OPRL1: variants seen among roughly 807,000 people sequenced by gnomAD.
OPRL1 encodes the protein opioid related nociceptin receptor 1.
Under a neutral mutation model 15.5 loss-of-function variants are expected in OPRL1, and 5 were observed. The observed-to-expected ratio is 0.32, with a 90% CI of 0.17 to 0.68. The LOEUF is 0.68. Among genes scored for constraint, OPRL1 ranks in the 30% least tolerant of loss-of-function variants. The probability of loss-of-function intolerance (pLI) is 0.72; values close to 1 mark genes in which losing one functional copy is unlikely to be tolerated. For synonymous variants in OPRL1, 223 were observed against 230.2 expected, an observed-to-expected ratio of 0.97 and a Z score of 0.28; for missense variants, 406 against 515.3, an observed-to-expected ratio of 0.79 and a Z score of 2.05.
chr20:64,090,305 G>A lies in OPRL1; in HGVS notation c.-184-1661G>A, dbSNP rs907996024. Reference sequence around the variant, plus strand: ...TTGAGTGTCTCTGTTGACGTGCCCCGTGCCTTCACACGTGTCCCTGAGTCT... The same window carrying A: ...TTGAGTGTCTCTGTTGACGTGCCCCATGCCTTCACACGTGTCCCTGAGTCT... On this transcript the variant is annotated intron_variant, in intron 1 of 4. Coordinates refer to ENST00000336866, the MANE Select transcript of OPRL1 (RefSeq NM_182647.4). The surrounding 1 kb of genome is among the most constrained non-coding windows in gnomAD (Gnocchi z 4.9). 2.0e-5 allele frequency among the ~76,000 whole-genome samples: 3 copies of A among 152,306 alleles called. No homozygotes were observed. Among genetic ancestry groups the A allele is most frequent in the Middle Eastern group, 3.4e-3 (1 of 294 alleles).
At chr20:64,095,737 G>A (rs1043089192) in intron 3 of OPRL1, among the ~76,000 whole-genome samples, 3 of 151,926 alleles carry the variant, frequency 2.0e-5, no homozygotes, top group African/African-American at 4.8e-5. Flanking sequence ...TAAAGCAAGT[G>A]TTCCCTCCTT....
In OPRL1 at chr20:64,090,287, T is replaced by C. The variant is rs2145593323; in HGVS notation, c.-184-1679T>C. Among the ~76,000 whole-genome samples, 1 of 152,342 alleles carries C rather than the reference T, an allele frequency of 6.6e-6. No homozygotes were observed. The highest frequency in any genetic ancestry group is 1.5e-5 in the Non-Finnish European group (1 of 68,030). ...TGTGTCCCCATGTGTCCCTTGAGTG[T>C]CTCTGTTGACGTGCCCCGTGCCTTC... is the stretch of plus-strand genomic sequence containing the variant. On this transcript the variant is annotated intron_variant, in intron 1 of 4. Transcript: ENST00000336866. The surrounding 1 kb of genome is among the most constrained non-coding windows in gnomAD (Gnocchi z 4.9).
At chr20:64,096,648 T>TA (rs752452520) in intron 3 of OPRL1, among the ~76,000 whole-genome samples, 19 of 152,036 alleles carry the variant, frequency 1.2e-4, no homozygotes, top group Non-Finnish European at 2.8e-4. Flanking sequence ...TGACACAGAA[T>TA]AGTGTCATCT....
Position 64,098,022 on chromosome 20 carries a change from A to G in OPRL1, c.454A>G (p.Ile152Val). 6.2e-7 allele frequency: 1 copy of G among 1,612,848 alleles called. No homozygotes were observed. Among genetic ancestry groups the G allele is most frequent in the South Asian group, 1.1e-5 (1 of 91,022 alleles). Reference protein sequence around the residue: ...TAMSVDRYVAICHPIRALDVR... With the variant: ...TAMSVDRYVAVCHPIRALDVR... ...CATGAGTGTGGATCGCTATGTAGCC[A>G]TCTGCCACCCCATCCGTGCCCTCGA... Residue 152 changes from isoleucine (I) to valine (V), a missense_variant, in exon 4 of 5, where the codon ATC (isoleucine) becomes GTC (valine). By Grantham distance (29) the Ile-to-Val change is conservative. Transcript: ENST00000336866.
chr20:64,093,020 G>C, intron 3 of OPRL1, 67 bp downstream of exon 3: 1 of 1,428,150 alleles, frequency 7.0e-7, no homozygotes, highest in South Asian at 1.2e-5. Context: ...AACTGAGACG[G>C]GGTCTGTTCT....
intron 1 of OPRL1, among the ~76,000 whole-genome samples, chr20:64,091,495 G>A (rs1407296033): frequency 2.6e-5 from 4 of 152,238 alleles, no homozygotes; most frequent in African/African-American, 9.6e-5. Context: ...GGAGCACACA[G>A]CAGGTGCTGG....
At position 64,098,805 on chromosome 20, in the gene OPRL1, C is replaced by A; in HGVS notation, c.*6C>A. On this transcript the variant is annotated 3_prime_UTR_variant, in exon 5 of 5. Coordinates refer to ENST00000336866, the MANE Select transcript of OPRL1 (RefSeq NM_182647.4). ...CGGTACCGCGGCCCGCATGACTAGG[C>A]GTGGACCTGCCCATGGTGCCTGTCA... The A allele has an allele frequency of 6.3e-7, 1 of 1,580,854 alleles. No homozygotes were observed. Among genetic ancestry groups the A allele is most frequent in the Non-Finnish European group, 8.6e-7 (1 of 1,169,360 alleles).
At position 64,097,198 on chromosome 20, in the gene OPRL1, C is replaced by T. The variant is rs992184286; in HGVS notation, c.234-604C>T. Among the ~76,000 whole-genome samples the T allele has an allele frequency of 1.3e-5, 2 of 152,110 alleles. No homozygotes were observed. Among genetic ancestry groups the T allele is most frequent in the Admixed American group, 6.5e-5 (1 of 15,272 alleles). On this transcript the variant is annotated intron_variant, in intron 3 of 4. Coordinates refer to ENST00000336866, the MANE Select transcript of OPRL1 (RefSeq NM_182647.4). This position sits in a 1 kb window ranked among gnomAD's most constrained non-coding sequence, Gnocchi z 4.2. ...TTAACAAAAATTTATTAATCACCAA[C>T]GATTTTCCCAGCCCTTTCCAGCACC...
chr20:64,083,611 C>T lies in OPRL1; in HGVS notation c.-185+3259C>T, dbSNP rs973442567. 1 of 1,478,012 alleles carries T rather than the reference C, an allele frequency of 6.8e-7. No individual in the cohort carries two copies. The highest frequency in any genetic ancestry group is 9.0e-7 in the Non-Finnish European group (1 of 1,115,696). The allele number at this position is 1,478,012 out of a possible 1,614,324, so 91.6% of individuals were successfully genotyped here. A position where few individuals can be genotyped will look rare whatever the true frequency, so the allele number is the denominator to read the frequency against. Reference sequence around the variant, plus strand: ...TTGGCGGTCCAGGGGGTCCGGGATCCGCGCGGGCTTCAGCTGCGGCGGCAG... The same window carrying T: ...TTGGCGGTCCAGGGGGTCCGGGATCTGCGCGGGCTTCAGCTGCGGCGGCAG... On this transcript the variant is annotated intron_variant, in intron 1 of 4. Transcript: ENST00000336866. This position sits in a 1 kb window ranked among gnomAD's most constrained non-coding sequence, Gnocchi z 4.9.
In OPRL1 at chr20:64,098,739, C is replaced by T; in HGVS notation, c.1053C>T (p.Ser351=). ...RDVQVSDRVR[S]IAKDVALACK... ...TGCAGGTGTCTGACCGCGTGCGCAG[C>T]ATTGCCAAGGACGTGGCCCTGGCCT... Residue 351 remains serine (S), a synonymous_variant, in exon 5 of 5, where the codon AGC becomes AGT. Transcript: ENST00000336866. 1 of 1,610,708 alleles carries T rather than the reference C, an allele frequency of 6.2e-7. No individual in the cohort carries two copies. Among genetic ancestry groups the T allele is most frequent in the Non-Finnish European group, 8.5e-7 (1 of 1,179,922 alleles).
intron 3 of OPRL1, among the ~76,000 whole-genome samples, chr20:64,095,498 G>A (rs1415176830): frequency 6.6e-6 from 1 of 151,490 alleles, no homozygotes; most frequent in Non-Finnish European, 1.5e-5. Flanking sequence ...CTGGGCAGAG[G>A]AAATGATGGA....
Position 64,092,872 on chromosome 20 carries a change from A to G in OPRL1, c.152A>G (p.Lys51Arg). 6.2e-7 allele frequency: 1 copy of G among 1,612,638 alleles called. No homozygotes were observed. Among genetic ancestry groups the G allele is most frequent in the Non-Finnish European group, 8.5e-7 (1 of 1,179,900 alleles). ...GGCGCCTTCCTGCCCCTCGGGCTCAAGGTCACCATCGTGGGGCTCTACCTG... is the reference window on the plus strand; with the variant it reads ...GGCGCCTTCCTGCCCCTCGGGCTCAGGGTCACCATCGTGGGGCTCTACCTG... ...SHGAFLPLGL[K>R]VTIVGLYLAV... is the part of the protein sequence containing the mutation. Residue 51 changes from lysine (K) to arginine (R), a missense_variant, in exon 3 of 5, where the codon AAG becomes AGG. Transcript: ENST00000336866.
At chr20:64,084,243 G>A in intron 1 of OPRL1, 1 of 1,359,048 alleles carries the variant, frequency 7.4e-7, no homozygotes. Flanking sequence ...GGAGGGAGGA[G>A]GGCGTCCCGT....
Position 64,083,501 on chromosome 20 carries a change from G to A in OPRL1, c.-185+3149G>A, listed in dbSNP as rs2059993092. On this transcript the variant is annotated intron_variant, in intron 1 of 4. Transcript: ENST00000336866. The surrounding 1 kb of genome is among the most constrained non-coding windows in gnomAD (Gnocchi z 4.9). Reference sequence around the variant, plus strand: ...TGGTCTCCACGCGCCTCCGCTGCCGGGGAGAGAGGCTGGGGTCCGGCGTGT... The same window carrying A: ...TGGTCTCCACGCGCCTCCGCTGCCGAGGAGAGAGGCTGGGGTCCGGCGTGT... The A allele has an allele frequency of 6.3e-7, 1 of 1,587,432 alleles. No homozygotes were observed. The highest frequency in any genetic ancestry group is 1.3e-5 in the African/African-American group (1 of 74,216).
Position 64,098,486 on chromosome 20 carries a change from T to C in OPRL1, c.800T>C (p.Val267Ala). 6.2e-7 allele frequency: 1 copy of C among 1,613,040 alleles called. No individual in the cohort carries two copies. ...CGGCGCATCACTCGGCTGGTGCTGGTGGTAGTGGCTGTGTTCGTGGGCTGC... is the reference window on the plus strand; with the variant it reads ...CGGCGCATCACTCGGCTGGTGCTGGCGGTAGTGGCTGTGTTCGTGGGCTGC... The part of the protein sequence containing the change: ...NLRRITRLVL[V>A]VVAVFVGCWT... The change falls in exon 5 of 5, where the codon GTG (valine) becomes GCG (alanine). Residue 267 changes from valine to alanine, a missense_variant. Val to Ala is a moderately conservative substitution (Grantham distance 64, BLOSUM62 0). Transcript: ENST00000336866.
rs752591370 is a variant in OPRL1 at position 64,092,867 on chromosome 20, G to T, written c.147G>T (p.Gly49=). ...GCCACGGCGCCTTCCTGCCCCTCGG[G>T]CTCAAGGTCACCATCGTGGGGCTCT... is the stretch of plus-strand genomic sequence containing the variant. ...NASHGAFLPL[G]LKVTIVGLYL... Residue 49 remains glycine, a synonymous_variant, in exon 3 of 5, where the codon GGG becomes GGT. Coordinates refer to ENST00000336866, the MANE Select transcript of OPRL1 (RefSeq NM_182647.4). 4 of 1,612,726 alleles carry T rather than the reference G, an allele frequency of 2.5e-6. No individual in the cohort carries two copies. In the East Asian group the frequency reaches 6.7e-5, roughly 27 times the overall value.
In OPRL1 at chr20:64,082,820, G is replaced by T. The variant is rs1303022986; in HGVS notation, c.-185+2468G>T. On this transcript the variant is annotated intron_variant, in intron 1 of 4. Transcript: ENST00000336866. ...AGTGTGTGTGGGGTGTGTGTGTGTG[G>T]GGGGGTGGGTGTGGGGGTGTGGCAT... 2.4e-3 allele frequency among the ~76,000 whole-genome samples: 359 copies of T among 151,220 alleles called. 2 individuals carry two copies. Among genetic ancestry groups the T allele is most frequent in the Non-Finnish European group, 3.5e-3 (237 of 67,706 alleles).
chr20:64,092,653 G>A lies in OPRL1; in HGVS notation c.-33-35G>A, dbSNP rs537110022. 58 of 1,512,496 alleles carry A rather than the reference G, an allele frequency of 3.8e-5. No individual in the cohort carries two copies. In the South Asian group the frequency reaches 6.8e-4, roughly 18 times the overall value. The allele number at this position is 1,512,496 out of a possible 1,614,324, so 93.7% of individuals were successfully genotyped here. A position where few individuals can be genotyped will look rare whatever the true frequency, so the allele number is the denominator to read the frequency against. On this transcript the variant is annotated intron_variant, in intron 2 of 4. Coordinates refer to ENST00000336866, the MANE Select transcript of OPRL1 (RefSeq NM_182647.4). Reference sequence around the variant, plus strand: ...GAGGCCTCCGCTGGGCGTGTGTCTGGCACTGCAGCCACTTGTCTCTGCGCT... The same window carrying A: ...GAGGCCTCCGCTGGGCGTGTGTCTGACACTGCAGCCACTTGTCTCTGCGCT...
intron 1 of OPRL1, among the ~76,000 whole-genome samples, chr20:64,082,815 GT>G: frequency 6.8e-6 from 1 of 146,224 alleles, no homozygotes; most frequent in African/African-American, 2.6e-5. Context: ...GGGTGTGTGT[GT>G]GTGGGGGGGT....
Sources: allele counts gnomAD v4.1 joint callset (sites outside exome capture counted in the v4.1 genomes callset), GRCh38; gene constraint gnomAD v4.1.1; non-coding constraint Gnocchi (gnomAD v3.1); transcripts MANE v1.5; gene names NCBI Gene and HGNC (gene_info 2026-07-23, HGNC 2026-07-21).